Variants in WIPI1 observed in about 807,000 individuals in gnomAD.
WIPI1 encodes the protein WD repeat domain, phosphoinositide interacting 1, also known as WD repeat domain phosphoinositide-interacting protein 1.
Under a neutral mutation model 55.3 loss-of-function variants are expected in WIPI1, and 45 were observed. That is an observed-to-expected ratio of 0.81 (90% CI 0.64 to 1.04). WIPI1 has a LOEUF of 1.04. Among genes scored for constraint, WIPI1 ranks in the 50% least tolerant of loss-of-function variants. The pLI, the probability that WIPI1 is intolerant of heterozygous loss-of-function variation, is 0.00. For missense variants in WIPI1, 445 were observed against 559.0 expected, an observed-to-expected ratio of 0.80 and a Z score of 2.06; for synonymous variants, 195 against 217.6, an observed-to-expected ratio of 0.90 and a Z score of 0.92.
chr17:68,429,112 T>C (rs867864200), intron 9 of WIPI1, among the ~76,000 whole-genome samples, 176 bp from the exon 10 acceptor site: 11 of 152,248 alleles, frequency 7.2e-5, no homozygotes, highest in Admixed American at 4.6e-4. Flanking sequence ...CCTTGGGATC[T>C]ACTTTCAGGA....
intron 12 of WIPI1, among the ~76,000 whole-genome samples, chr17:68,424,162 G>A (rs776401033): frequency 3.9e-5 from 6 of 152,192 alleles, no homozygotes; most frequent in Non-Finnish European, 7.3e-5. Flanking sequence ...TGCCAACAGA[G>A]GTTTTGAAGT....
intron 12 of WIPI1, 104 bp downstream of exon 12, chr17:68,425,971 A>G: frequency 4.7e-6 from 4 of 847,950 alleles, no homozygotes; most frequent in Non-Finnish European, 7.7e-6. Flanking sequence ...ATTAGTTGTT[A>G]TAGATTAGAA....
chr17:68,434,134 C>G lies in WIPI1; in HGVS notation c.692+422G>C, dbSNP rs990897024. On this transcript the variant is annotated intron_variant, in intron 7 of 12. Transcript: ENST00000262139. ...TGCCTCTGTCAGCAGAAGGGAGGAA[C>G]TGTGCCTTCCTGGCATCTTGGAATC... Among the ~76,000 whole-genome samples the G allele has an allele frequency of 1.3e-5, 2 of 152,162 alleles. 1 individual carries two copies. Among genetic ancestry groups the G allele is most frequent in the South Asian group, 4.1e-4 (2 of 4,828 alleles).
chr17:68,445,692 G>A (rs1308450666), intron 3 of WIPI1, among the ~76,000 whole-genome samples: 3 of 152,246 alleles, frequency 2.0e-5, no homozygotes, highest in Non-Finnish European at 4.4e-5. Context: ...CAGGGTTGAT[G>A]TATCGGGTGT....
intron 5 of WIPI1, among the ~76,000 whole-genome samples, 186 bp from the exon 6 acceptor site, chr17:68,435,898 G>A (rs1235716254): frequency 6.6e-6 from 1 of 152,222 alleles, no homozygotes; most frequent in Non-Finnish European, 1.5e-5. Flanking sequence ...TTGGCTTCAA[G>A]GGCCACTCCA....
chr17:68,426,580 T>C (rs2083210111), intron 11 of WIPI1, among the ~76,000 whole-genome samples: 1 of 152,240 alleles, frequency 6.6e-6, no homozygotes, highest in Non-Finnish European at 1.5e-5. Context: ...TCACCCAGGC[T>C]GGAGTGCAGT....
chr17:68,442,616 G>A (rs1900906855), intron 4 of WIPI1, among the ~76,000 whole-genome samples: 1 of 152,178 alleles, frequency 6.6e-6, no homozygotes. Context: ...GAAACTGAGA[G>A]CCACAGGCAG....
intron 11 of WIPI1, 79 bp from the exon 12 acceptor site, chr17:68,426,254 G>GGGGGGGCCCCCC: frequency 1.2e-6 from 1 of 816,920 alleles, no homozygotes; most frequent in Non-Finnish European, 1.9e-6. Flanking sequence ...GGGAGCGGGG[G>GGGGGGGCCCCCC]CTCAAATAAA....
At chr17:68,426,239 G>C in intron 11 of WIPI1, 64 bp from the exon 12 acceptor site, 1 of 1,170,184 alleles carries the variant, frequency 8.5e-7, no homozygotes, top group Non-Finnish European at 1.2e-6. Context: ...ATGACCTGGC[G>C]GGTGGGGAGC....
intron 10 of WIPI1, chr17:68,428,540 A>C: frequency 1.5e-5 from 4 of 262,648 alleles, no homozygotes; most frequent in East Asian, 9.2e-5. Context: ...GTGGCAGGGA[A>C]TATTTTTGAA....
At chr17:68,457,233 C>A in intron 1 of WIPI1, 109 bp downstream of exon 1, 1 of 1,351,348 alleles carries the variant, frequency 7.4e-7, no homozygotes, top group Non-Finnish European at 1.0e-6. Flanking sequence ...ACCGGCCCTC[C>A]CGCCGAGGCC....
intron 1 of WIPI1, among the ~76,000 whole-genome samples, chr17:68,455,127 T>G (rs910000866): frequency 2.0e-5 from 3 of 152,066 alleles, no homozygotes; most frequent in African/African-American, 7.2e-5. Flanking sequence ...TTTGGGAGGC[T>G]GAGGTGGGTG....
chr17:68,444,420 G>T (rs1416960407), intron 4 of WIPI1, 73 bp downstream of exon 4: 1 of 1,414,268 alleles, frequency 7.1e-7, no homozygotes, highest in African/African-American at 1.4e-5. Flanking sequence ...GCAATTTGGA[G>T]GAAAATAAAG....
chr17:68,430,084 G>C lies in WIPI1; in HGVS notation c.877C>G (p.Gln293Glu), dbSNP rs1660257455. The stretch of plus-strand genomic sequence containing the variant: ...TCCTGATGCATCATGTCTGACACCT[G>C]GGTAGGGAGGTAGTTGGTAGCAGCC... ...FMAATNYLPT[Q>E]VSDMMHQDRA... is the part of the protein sequence containing the mutation. The change falls in exon 9 of 13, where the codon CAG (glutamine) becomes GAG (glutamate). Residue 293 changes from glutamine (Q) to glutamate (E), a missense_variant. Coordinates refer to ENST00000262139, the MANE Select transcript of WIPI1 (RefSeq NM_017983.7). 6.2e-7 allele frequency: 1 copy of C among 1,614,012 alleles called. No individual in the cohort carries two copies. Among genetic ancestry groups the C allele is most frequent in the Non-Finnish European group, 8.5e-7 (1 of 1,180,030 alleles).
chr17:68,433,785 TTTTTTTTTTTTTTG>T (rs2083647212), intron 7 of WIPI1, among the ~76,000 whole-genome samples: 1 of 88,268 alleles, frequency 1.1e-5, no homozygotes, highest in African/African-American at 3.9e-5. Context: ...TTTTTTTTTT[TTTTTTTTTTTTTTG>T]AGACAGAGTC....
chr17:68,439,521 G>A (rs1452560599), intron 4 of WIPI1, among the ~76,000 whole-genome samples: 7 of 152,120 alleles, frequency 4.6e-5, no homozygotes, highest in East Asian at 3.9e-4. Context: ...GGTTTGGGGC[G>A]ATGAAAATGC....
intron 4 of WIPI1, among the ~76,000 whole-genome samples, chr17:68,436,865 G>A (rs532089950): frequency 3.3e-5 from 5 of 152,176 alleles, no homozygotes; most frequent in East Asian, 1.9e-4. Context: ...ATGGTGGTGC[G>A]TGCCTATAGT....
intron 6 of WIPI1, among the ~76,000 whole-genome samples, chr17:68,435,338 G>A (rs899935131): frequency 5.3e-5 from 8 of 152,254 alleles, no homozygotes; most frequent in East Asian, 1.9e-4. Context: ...GCATTTGTCC[G>A]TCTCTACGGC....
intron 12 of WIPI1, among the ~76,000 whole-genome samples, chr17:68,424,709 C>G (rs1239484262): frequency 6.6e-6 from 1 of 152,156 alleles, no homozygotes; most frequent in African/African-American, 2.4e-5. Context: ...AACCCCGTCT[C>G]TACTAAAAAT....
Sources: allele counts gnomAD v4.1 joint callset (sites outside exome capture counted in the v4.1 genomes callset), GRCh38; gene constraint gnomAD v4.1.1; transcripts MANE v1.5; gene names NCBI Gene and HGNC (gene_info 2026-07-23, HGNC 2026-07-21).